Variants in PRUNE2 observed in about 807,000 individuals in gnomAD.
PRUNE2 encodes prune homolog 2 with BCH domain, also known as protein prune homolog 2.
PRUNE2 carries 164 observed loss-of-function variants against 252.0 expected under a neutral mutation model. That is an observed-to-expected ratio of 0.65 (90% CI 0.57 to 0.74). The LOEUF is 0.74. Ranked by LOEUF, PRUNE2 falls within the 30% of genes least tolerant of loss-of-function variation. PRUNE2 has a pLI of 0.00. For missense variants in PRUNE2, 3,495 were observed against 3,711.0 expected (o/e 0.94, Z 1.51); for synonymous variants, 1,292 against 1,350.2 (o/e 0.96, Z 0.94).
At chr9:76,696,869 C>T (rs1243793180) in intron 9 of PRUNE2, among the ~76,000 whole-genome samples, 3 of 152,218 alleles carry the variant, frequency 2.0e-5, no homozygotes, top group Admixed American at 6.5e-5. Flanking sequence ...TTTCTGGGTT[C>T]TGGTCATCAC....
chr9:76,857,873 T>C (rs2060342053), intron 1 of PRUNE2, among the ~76,000 whole-genome samples: 1 of 152,032 alleles, frequency 6.6e-6, no homozygotes, highest in South Asian at 2.1e-4. Context: ...AATGGGCCCA[T>C]CTATAGGGGC....
chr9:76,728,800 A>G (rs1229336137), intron 6 of PRUNE2, among the ~76,000 whole-genome samples: 4 of 152,204 alleles, frequency 2.6e-5, no homozygotes, highest in Non-Finnish European at 5.9e-5. Flanking sequence ...TTATTAGGCT[A>G]AGCTTCAGTT....
intron 1 of PRUNE2, among the ~76,000 whole-genome samples, chr9:76,882,881 G>A (rs117614886): frequency 6.6e-6 from 1 of 152,164 alleles, no homozygotes; most frequent in Non-Finnish European, 1.5e-5. Context: ...TAGAGGAAAT[G>A]AGTAGTTTGG....
intron 6 of PRUNE2, among the ~76,000 whole-genome samples, chr9:76,749,926 T>C (rs957869800): frequency 6.6e-6 from 1 of 152,192 alleles, no homozygotes; most frequent in Non-Finnish European, 1.5e-5. Flanking sequence ...CTGACCCTGG[T>C]TCCTGACACA....
chr9:76,629,316 A>G (rs768642193), intron 15 of PRUNE2, 26 bp from the exon 16 acceptor site: 2 of 1,201,878 alleles, frequency 1.7e-6, no homozygotes, highest in Middle Eastern at 1.9e-4. Context: ...AGAAAAAAAT[A>G]TGTATCATTA....
At chr9:76,851,971 C>A (rs6560552) in intron 2 of PRUNE2, among the ~76,000 whole-genome samples, 15,097 of 152,154 alleles carry the variant, frequency 0.099, 1,104 homozygotes, top group African/African-American at 0.21. Context: ...TTGTGCATAA[C>A]ATAAATGGCC....
At chr9:76,693,643 C>A (rs1337619709) in intron 9 of PRUNE2, among the ~76,000 whole-genome samples, 1 of 151,922 alleles carries the variant, frequency 6.6e-6, no homozygotes, top group Non-Finnish European at 1.5e-5. Flanking sequence ...GGGGTTTCAT[C>A]ATATTGGTGA....
At chr9:76,843,997 G>T (rs2132411805) in intron 4 of PRUNE2, among the ~76,000 whole-genome samples, 1 of 152,282 alleles carries the variant, frequency 6.6e-6, no homozygotes, top group South Asian at 2.1e-4. Context: ...CAAAGTGCTA[G>T]GATTACAGGC....
intron 6 of PRUNE2, among the ~76,000 whole-genome samples, chr9:76,782,413 T>C (rs933363624): frequency 6.6e-6 from 1 of 152,266 alleles, no homozygotes. Context: ...TAGGGCCAGA[T>C]TCTGCTTCTT....
intron 6 of PRUNE2, among the ~76,000 whole-genome samples, chr9:76,802,484 A>C (rs1373446779): frequency 6.6e-6 from 1 of 152,188 alleles, no homozygotes. Context: ...GCAGCGGAAA[A>C]ATATCTCTGA....
At chr9:76,905,823 G>A (rs1305974269) in intron 1 of PRUNE2, 105 bp downstream of exon 1, 3 of 1,453,864 alleles carry the variant, frequency 2.1e-6, no homozygotes, top group African/African-American at 1.4e-5. Context: ...TGATAACTCC[G>A]TGGCAAAGTT....
rs1276635159 is a variant in PRUNE2 at position 76,613,717 on chromosome 9, T to C, written c.*853A>G. 3 of 152,250 alleles carry C rather than the reference T, an allele frequency of 2.0e-5. No individual in the cohort carries two copies. The highest frequency in any genetic ancestry group is 7.2e-5 in the African/African-American group (3 of 41,466). 9.4% of individuals were successfully genotyped at this position (152,250 alleles called of 1,614,324 possible). On this transcript the variant is annotated 3_prime_UTR_variant, in exon 19 of 19. Transcript: ENST00000376718. The stretch of plus-strand genomic sequence containing the variant: ...TTTTAAAGCAGATCACTTTTTATAA[T>C]GCATGCGAGAGAGGAATTCATGAAT...
At chr9:76,713,224 C>T (rs2135065546) in intron 7 of PRUNE2, among the ~76,000 whole-genome samples, 1 of 152,206 alleles carries the variant, frequency 6.6e-6, no homozygotes. Context: ...CACTGGGCAC[C>T]AAACCGGTCC....
chr9:76,808,112 AG>A (rs1347166594), intron 6 of PRUNE2, among the ~76,000 whole-genome samples: 3 of 152,238 alleles, frequency 2.0e-5, no homozygotes, highest in African/African-American at 7.2e-5. Context: ...TGGGAGGCAG[AG>A]GTTGCAGTGA....
At chr9:76,686,908 T>C (rs2044157694) in intron 9 of PRUNE2, among the ~76,000 whole-genome samples, 1 of 152,158 alleles carries the variant, frequency 6.6e-6, no homozygotes, top group African/African-American at 2.4e-5. Flanking sequence ...AAGGCATTTT[T>C]TGAAAATTTT....
chr9:76,791,027 G>A (rs1483294424), intron 6 of PRUNE2, among the ~76,000 whole-genome samples: 1 of 152,194 alleles, frequency 6.6e-6, no homozygotes, highest in African/African-American at 2.4e-5. Flanking sequence ...ATCTAAAATA[G>A]TCAAACTCGT....
intron 9 of PRUNE2, among the ~76,000 whole-genome samples, chr9:76,694,433 T>G (rs12338200): frequency 0.018 from 2,768 of 152,348 alleles, 85 homozygotes; most frequent in African/African-American, 0.063. Flanking sequence ...TCCTCTCACC[T>G]TGGCCTCCCA....
At chr9:76,634,101 G>A (rs759741893) in intron 15 of PRUNE2, among the ~76,000 whole-genome samples, 7 of 152,124 alleles carry the variant, frequency 4.6e-5, no homozygotes, top group East Asian at 1.9e-4. Context: ...GACTGAAGGC[G>A]ACCGTCTCTC....
At chr9:76,667,527 A>G (rs959963272) in intron 9 of PRUNE2, among the ~76,000 whole-genome samples, 22 of 119,718 alleles carry the variant, frequency 1.8e-4, no homozygotes, top group African/African-American at 6.3e-4. Context: ...TAAGCTCACA[A>G]AGGGTCCCCT....
Sources: allele counts gnomAD v4.1 joint callset (sites outside exome capture counted in the v4.1 genomes callset), GRCh38; gene constraint gnomAD v4.1.1; transcripts MANE v1.5; gene names NCBI Gene and HGNC (gene_info 2026-07-23, HGNC 2026-07-21).